Variants in SKOR2 observed in about 807,000 individuals in gnomAD.
SKOR2 encodes the protein LBX1 corepressor 1-like protein.
Under a neutral mutation model 69.1 loss-of-function variants are expected in SKOR2, and 47 were observed. The observed-to-expected ratio is 0.68, with a 90% CI of 0.54 to 0.87. The LOEUF (loss-of-function observed/expected upper bound fraction) is 0.87. Among genes scored for constraint, SKOR2 ranks in the 40% least tolerant of loss-of-function variants. The pLI is 0.00. For missense variants in SKOR2, 1,404 were observed against 1,472.2 expected (o/e 0.95, Z 0.76); for synonymous variants, 717 against 672.6 (o/e 1.07, Z -1.02).
At chr18:47,222,312 C>T (rs2668777) in intron 6 of SKOR2, among the ~76,000 whole-genome samples, 98,564 of 150,436 alleles carry the variant, frequency 0.66, 33,131 homozygotes, top group African/African-American at 0.83. Flanking sequence ...TGAGACTCTG[C>T]CTCAAAAAAA....
intron 6 of SKOR2, among the ~76,000 whole-genome samples, chr18:47,229,430 G>T (rs1346778059): frequency 6.6e-6 from 1 of 152,134 alleles, no homozygotes; most frequent in Non-Finnish European, 1.5e-5. Flanking sequence ...GAGGTGGGCG[G>T]ATCACCTGAG....
chr18:47,239,536 T>C (rs1474782950), intron 4 of SKOR2, among the ~76,000 whole-genome samples: 1 of 152,230 alleles, frequency 6.6e-6, no homozygotes, highest in South Asian at 2.1e-4. Flanking sequence ...ACACGTTGCA[T>C]CTTGAATCAG....
chr18:47,247,257 A>G lies in SKOR2; in HGVS notation c.1927T>C (p.Ser643Pro), dbSNP rs2064282696. Reference protein sequence around the residue: ...AESLAKLHGASAGAPHSAQTH... With the variant: ...AESLAKLHGAPAGAPHSAQTH... The stretch of plus-strand genomic sequence containing the variant: ...TGGGCCGAGTGGGGCGCGCCCGCCG[A>G]CGCCCCGTGCAGCTTGGCCAGGCTC... Residue 643 changes from serine to proline, a missense_variant, in exon 2 of 9, where the codon TCG (serine) becomes CCG (proline). By Grantham distance (74) the Ser-to-Pro change is moderately conservative. Around this residue, in one of 3 missense-constraint regions of SKOR2, gnomAD observed 1,266 missense variants for 1,309.9 expected, o/e 0.97. Transcript: ENST00000425639. The surrounding 1 kb of genome is among the most constrained non-coding windows in gnomAD (Gnocchi z 6.6). 1.4e-6 allele frequency: 2 copies of G among 1,473,760 alleles called. No homozygotes were observed. Among genetic ancestry groups the G allele is most frequent in the African/African-American group, 1.5e-5 (1 of 68,186 alleles). The allele number at this position is 1,473,760 out of a possible 1,614,324, so 91.3% of individuals were successfully genotyped here.
chr18:47,249,186 C>G lies in SKOR2; in HGVS notation c.-3G>C. ...CCTGGCAGCGGACTGGAAGCCATCTCCGCCGCAGAACCCCGGGCCGAGCCC... is the reference window on the plus strand; with the variant it reads ...CCTGGCAGCGGACTGGAAGCCATCTGCGCCGCAGAACCCCGGGCCGAGCCC... On this transcript the variant is annotated 5_prime_UTR_variant, in exon 2 of 9. Transcript: ENST00000425639. 1 of 1,533,752 alleles carries G rather than the reference C, an allele frequency of 6.5e-7. No homozygotes were observed. Among genetic ancestry groups the G allele is most frequent in the Non-Finnish European group, 8.7e-7 (1 of 1,145,586 alleles).
chr18:47,217,850 G>A (rs1286996154), intron 7 of SKOR2, among the ~76,000 whole-genome samples: 2 of 150,686 alleles, frequency 1.3e-5, no homozygotes, highest in Non-Finnish European at 2.9e-5. Context: ...GGGCAGGAGG[G>A]TGGGGGTGGG....
Position 47,230,927 on chromosome 18 carries a change from T to A in SKOR2, c.2818+8A>T. On this transcript the variant is annotated splice_region_variant and intron_variant, in intron 5 of 8. Transcript: ENST00000425639. ...GAGAAGTTCTACAGAATTGAAACTTTCATTTACCTTTCCCCATATTTTCTA... is the reference window on the plus strand; with the variant it reads ...GAGAAGTTCTACAGAATTGAAACTTACATTTACCTTTCCCCATATTTTCTA... The A allele has an allele frequency of 6.5e-7, 1 of 1,535,532 alleles. No homozygotes were observed. The highest frequency in any genetic ancestry group is 2.4e-5 in the East Asian group (1 of 40,830).
chr18:47,220,099 G>T, intron 6 of SKOR2, 89 bp from the exon 7 acceptor site: 2 of 1,055,052 alleles, frequency 1.9e-6, no homozygotes, highest in Non-Finnish European at 2.7e-6. Context: ...ACAGTCCCAT[G>T]GACAGCCCCC....
intron 8 of SKOR2, 73 bp downstream of exon 8, chr18:47,212,013 A>G: frequency 8.2e-7 from 1 of 1,212,528 alleles, no homozygotes; most frequent in Non-Finnish European, 1.0e-6. Flanking sequence ...TTTCAAACAC[A>G]TCAATAAAGA....
chr18:47,211,897 A>G (rs575265642), intron 8 of SKOR2, among the ~76,000 whole-genome samples, 189 bp downstream of exon 8: 1 of 152,344 alleles, frequency 6.6e-6, no homozygotes, highest in South Asian at 2.1e-4. Flanking sequence ...GGAATTTATA[A>G]GAAGTACTTG....
At chr18:47,208,090 A>T (rs1233264105) in intron 8 of SKOR2, among the ~76,000 whole-genome samples, 1 of 152,216 alleles carries the variant, frequency 6.6e-6, no homozygotes, top group African/African-American at 2.4e-5. Flanking sequence ...CATTTTATAG[A>T]TAAGAGTGAG....
At chr18:47,235,297 G>A (rs1007677269) in intron 4 of SKOR2, among the ~76,000 whole-genome samples, 2 of 152,058 alleles carry the variant, frequency 1.3e-5, no homozygotes, top group Non-Finnish European at 2.9e-5. Flanking sequence ...AGGCTGAGGT[G>A]AGTCATCATT....
chr18:47,214,187 C>T (rs1286596755), intron 7 of SKOR2, among the ~76,000 whole-genome samples: 4 of 152,256 alleles, frequency 2.6e-5, no homozygotes, highest in South Asian at 4.1e-4. Context: ...AACTGCTCAA[C>T]CTAATCCAAA....
intron 6 of SKOR2, among the ~76,000 whole-genome samples, chr18:47,222,315 CAAAAAAA>C (rs57282613): frequency 8.9e-6 from 1 of 112,572 alleles, no homozygotes; most frequent in East Asian, 2.3e-4. Context: ...GACTCTGCCT[CAAAAAAA>C]AAAAAAAGAA....
chr18:47,208,554 A>C (rs538319239), intron 8 of SKOR2, among the ~76,000 whole-genome samples: 24 of 152,278 alleles, frequency 1.6e-4, no homozygotes, highest in African/African-American at 5.8e-4. Context: ...AAAATGTTTA[A>C]ATGTGTTTGG....
At chr18:47,223,324 A>T (rs1054124654) in intron 6 of SKOR2, among the ~76,000 whole-genome samples, 1 of 152,192 alleles carries the variant, frequency 6.6e-6, no homozygotes, top group African/African-American at 2.4e-5. Context: ...AGGAAATAAT[A>T]TGAAATACCA....
At chr18:47,207,463 C>T (rs555881244) in intron 8 of SKOR2, among the ~76,000 whole-genome samples, 7 of 152,276 alleles carry the variant, frequency 4.6e-5, no homozygotes, top group African/African-American at 1.4e-4. Context: ...AGTGAGACCA[C>T]AGGCAACTTA....
chr18:47,230,205 T>A (rs1269908942), intron 6 of SKOR2, among the ~76,000 whole-genome samples: 4 of 151,958 alleles, frequency 2.6e-5, no homozygotes, highest in African/African-American at 7.2e-5. Context: ...ACACACATTT[T>A]AAAATACGTA....
At chr18:47,238,000 C>T (rs144077796) in intron 4 of SKOR2, among the ~76,000 whole-genome samples, 2 of 152,042 alleles carry the variant, frequency 1.3e-5, no homozygotes, top group Non-Finnish European at 2.9e-5. Context: ...TTCATCCCTA[C>T]TTGGTTTCCT....
chr18:47,247,648 G>C lies in SKOR2; in HGVS notation c.1536C>G (p.Asp512Glu), dbSNP rs1452443930. 1.3e-5 allele frequency: 18 copies of C among 1,362,374 alleles called. No homozygotes were observed. The highest frequency in any genetic ancestry group is 1.6e-5 in the Non-Finnish European group (17 of 1,061,232). 84.4% of individuals were successfully genotyped at this position (1,362,374 alleles called of 1,614,324 possible). Reference protein sequence around the residue: ...SPALLRQAFLDLAEPGGAAGS... With the variant: ...SPALLRQAFLELAEPGGAAGS... ...CAGCAGCACCGCCTGGCTCAGCCAGGTCCAGGAAGGCCTGGCGCAGCAGGG... is the reference window on the plus strand; with the variant it reads ...CAGCAGCACCGCCTGGCTCAGCCAGCTCCAGGAAGGCCTGGCGCAGCAGGG... Residue 512 changes from aspartate to glutamate, a missense_variant, in exon 2 of 9, where the codon GAC becomes GAG. Physicochemically the swap from Asp to Glu is conservative, Grantham distance 45 (BLOSUM62 2). Around this residue, in one of 3 missense-constraint regions of SKOR2, gnomAD observed 1,266 missense variants for 1,309.9 expected, o/e 0.97. Coordinates refer to ENST00000425639, the MANE Select transcript of SKOR2 (RefSeq NM_001278063.4). The surrounding 1 kb of genome is among the most constrained non-coding windows in gnomAD (Gnocchi z 6.6).
Sources: gnomAD v4.1 joint callset for allele counts (sites outside exome capture counted in the v4.1 genomes callset) on GRCh38, gnomAD v4.1.1 for gene constraint, gnomAD v4.1.1 regional missense constraint, Gnocchi (gnomAD v3.1) non-coding constraint, MANE v1.5 for transcripts, NCBI Gene and HGNC (gene_info 2026-07-23, HGNC 2026-07-21) for gene names.